RPL3: variants seen among roughly 807,000 people sequenced by gnomAD.
RPL3 encodes the protein ribosomal protein L3.
RPL3 carries 3 observed loss-of-function variants against 46.0 expected under a neutral mutation model. The ratio of observed to expected loss-of-function variants is 0.07; its 90% confidence interval spans 0.03 to 0.17. The LOEUF (loss-of-function observed/expected upper bound fraction) is 0.17. Ranked by LOEUF, RPL3 falls within the 10% of genes least tolerant of loss-of-function variation. The probability of loss-of-function intolerance (pLI) is 1.00; values close to 1 mark genes in which losing one functional copy is unlikely to be tolerated. For synonymous variants in RPL3, 224 were observed against 190.8 expected (o/e 1.17, Z -1.43); for missense variants, 387 against 532.7 (o/e 0.73, Z 2.69).
chr22:39,318,285 TG>T, intron 2 of RPL3, 114 bp downstream of exon 2: 1 of 1,038,476 alleles, frequency 9.6e-7, no homozygotes, highest in Non-Finnish European at 1.4e-6. Flanking sequence ...TCTGACAACG[TG>T]TAACTCCTGC....
intron 7 of RPL3, 183 bp from the exon 8 acceptor site, chr22:39,313,912 T>TG: frequency 1.2e-6 from 1 of 838,040 alleles, no homozygotes; most frequent in Non-Finnish European, 2.1e-6. Flanking sequence ...ACTGAACAGC[T>TG]GAGCCTGAGA....
rs1248307337 is a variant in RPL3, at chr22:39,315,511, C to T, written c.546G>A (p.Glu182=). The T allele has an allele frequency of 5.0e-6, 8 of 1,614,034 alleles. No homozygotes were observed. Among genetic ancestry groups the T allele is most frequent in the Non-Finnish European group, 6.8e-6 (8 of 1,180,048 alleles). The change falls in exon 5 of 10, where the codon GAG becomes GAA. Residue 182 remains glutamate (E), a synonymous_variant. Transcript: ENST00000216146. ...PLRQKKAHLM[E]IQVNGGTVAE... The stretch of plus-strand genomic sequence containing the variant: ...CCACAGTGCCTCCGTTCACCTGGAT[C>T]TCCATCAGGTGGGCCTTCTTCTGGC...
Position 39,312,937 on chromosome 22 carries a change from G to A in RPL3, c.*3C>T. On this transcript the variant is annotated 3_prime_UTR_variant, in exon 10 of 10. Transcript: ENST00000216146. ...CCACCAACTGCAAAATCTGTTCCTGGCATTAAGCTCCTTCTTCCTTTGCAA... is the reference window on the plus strand; with the variant it reads ...CCACCAACTGCAAAATCTGTTCCTGACATTAAGCTCCTTCTTCCTTTGCAA... The A allele has an allele frequency of 1.2e-6, 2 of 1,614,130 alleles. No individual in the cohort carries two copies. The highest frequency in any genetic ancestry group is 1.7e-6 in the Non-Finnish European group (2 of 1,179,962).
chr22:39,317,965 C>T lies in RPL3; in HGVS notation c.197-336G>A, dbSNP rs906165207. The T allele has an allele frequency of 4.1e-5, 15 of 362,840 alleles. No homozygotes were observed. The South Asian group carries it at 5.3e-4, about 13-fold the overall frequency. 22.5% of individuals were successfully genotyped at this position (362,840 alleles called of 1,614,324 possible). ...CTCAGAGATTAGTCAGTATCAACTGCCTAACATTAATGTCTCCATGGCTCA... is the reference window on the plus strand; with the variant it reads ...CTCAGAGATTAGTCAGTATCAACTGTCTAACATTAATGTCTCCATGGCTCA... On this transcript the variant is annotated intron_variant, in intron 2 of 9. Transcript: ENST00000216146.
intron 4 of RPL3, among the ~76,000 whole-genome samples, chr22:39,316,215 G>C (rs1220150369): frequency 6.8e-6 from 1 of 147,202 alleles, no homozygotes; most frequent in Non-Finnish European, 1.5e-5. Context: ...CTCTAGCCTG[G>C]GCAACAAGAA....
intron 3 of RPL3, 191 bp from the exon 4 acceptor site, chr22:39,317,032 G>A (rs1922744203): frequency 2.6e-6 from 2 of 780,762 alleles, no homozygotes; most frequent in Non-Finnish European, 4.2e-6. Context: ...CTGAGCAGAG[G>A]TCCACAAGGT....
chr22:39,314,740 A>C lies in RPL3; in HGVS notation c.795T>G (p.Ser265=), dbSNP rs1468133689. 3 of 1,613,598 alleles carry C rather than the reference A, an allele frequency of 1.9e-6. No individual in the cohort carries two copies. In the South Asian group the frequency reaches 3.3e-5, roughly 18 times the overall value. ...GAWHPARVAF[S]VARAGQKGYH... ...AGCCTTTCTGCCCAGCGCGTGCCAC[A>C]GAGAAGGCTACACGAGCAGGATGCC... The change falls in exon 6 of 10, where the codon TCT becomes TCG. Residue 265 remains serine (S), a synonymous_variant. Transcript: ENST00000216146.
chr22:39,313,356 C>T, intron 8 of RPL3, 46 bp from the exon 9 acceptor site: 1 of 1,611,642 alleles, frequency 6.2e-7, no homozygotes, highest in Non-Finnish European at 8.5e-7. Context: ...AGGAGCCAGG[C>T]TTTCCTCAGC....
chr22:39,313,795 G>C, intron 7 of RPL3, 66 bp from the exon 8 acceptor site: 1 of 1,413,896 alleles, frequency 7.1e-7, no homozygotes, highest in Non-Finnish European at 1.0e-6. Context: ...ACCCCTCCAG[G>C]TTCAGGCCCT....
intron 1 of RPL3, among the ~76,000 whole-genome samples, chr22:39,318,847 C>T (rs1922867558): frequency 6.6e-6 from 1 of 152,036 alleles, no homozygotes; most frequent in South Asian, 2.1e-4. Flanking sequence ...TTTTATCTAA[C>T]CACACAAAAA....
chr22:39,314,664 G>A (rs1601627726), intron 6 of RPL3, 22 bp downstream of exon 6: 2 of 1,600,966 alleles, frequency 1.2e-6, no homozygotes, highest in East Asian at 2.2e-5. Context: ...CCACCCCCAG[G>A]GAGCCACTCT....
rs561225571 is a variant in RPL3, at chr22:39,314,147, G to C, written c.911C>G (p.Ser304Cys). 1.2e-6 allele frequency: 2 copies of C among 1,613,378 alleles called. No individual in the cohort carries two copies. The highest frequency in any genetic ancestry group is 2.7e-5 in the African/African-American group (2 of 75,028). Residue 304 changes from serine (S) to cysteine (C), a missense_variant, in exon 7 of 10, where the codon TCC becomes TGC. Transcript: ENST00000216146. Reference protein sequence around the residue: ...KDGKLIKNNASTDYDLSDKSI... With the variant: ...KDGKLIKNNACTDYDLSDKSI... ...CTTGTCAGATAGGTCATAGTCAGTG[G>C]AGGCATTGTTCTTGATCAGCTTGCC...
chr22:39,313,165 C>A, intron 9 of RPL3, 26 bp downstream of exon 9: 4 of 1,604,848 alleles, frequency 2.5e-6, no homozygotes, highest in East Asian at 2.2e-5. Context: ...CCACACCCAG[C>A]GAGGGGGGCA....
chr22:39,315,118 C>A, intron 5 of RPL3: 1 of 770,430 alleles, frequency 1.3e-6, no homozygotes, highest in Non-Finnish European at 2.3e-6. Flanking sequence ...CTCCCCTTTG[C>A]AGTTATCAGT....
chr22:39,315,560 G>C lies in RPL3; in HGVS notation c.502-5C>G. Reference sequence around the variant, plus strand: ...GCGCAGAGGAAGCAGGCGCATCTAGGAGAAGGTAGACACAGCTCAGCTCCA... The same window carrying C: ...GCGCAGAGGAAGCAGGCGCATCTAGCAGAAGGTAGACACAGCTCAGCTCCA... On this transcript the variant is annotated splice_polypyrimidine_tract_variant and splice_region_variant and intron_variant, in intron 4 of 9. Coordinates refer to ENST00000216146, the MANE Select transcript of RPL3 (RefSeq NM_000967.4). The C allele has an allele frequency of 1.2e-6, 2 of 1,613,794 alleles. No homozygotes were observed. The highest frequency in any genetic ancestry group is 1.7e-4 in the Middle Eastern group (1 of 6,060).
chr22:39,318,460 A>G lies in RPL3; in HGVS notation c.136T>C (p.Phe46Leu), dbSNP rs755320413. ...GTCATGCCAGCCTTGTATCCCAGGA[A>G]GGCTGTGAGGTGGACCGGCTTGGAC... ...DPSKPVHLTA[F>L]LGYKAGMTHI... The change falls in exon 2 of 10, where the codon TTC becomes CTC. Residue 46 changes from phenylalanine to leucine, a missense_variant. By Grantham distance (22) the Phe-to-Leu change is conservative. This residue lies in a region of RPL3 where 196 missense variants were observed against 217.5 expected (regional missense o/e 0.90). Transcript: ENST00000216146. 5.0e-6 allele frequency: 8 copies of G among 1,613,886 alleles called. No homozygotes were observed. The highest frequency in any genetic ancestry group is 6.8e-6 in the Non-Finnish European group (8 of 1,179,972).
chr22:39,314,514 G>A (rs1922557527), intron 6 of RPL3, 172 bp downstream of exon 6: 1 of 813,710 alleles, frequency 1.2e-6, no homozygotes, highest in Non-Finnish European at 1.9e-6. Context: ...TCTACAGGAT[G>A]GCACCTTACA....
chr22:39,316,389 T>C (rs2007418), intron 4 of RPL3, among the ~76,000 whole-genome samples: 30,478 of 152,156 alleles, frequency 0.2, 4,372 homozygotes, highest in East Asian at 0.74. Flanking sequence ...TCAGCCAGGA[T>C]AACCAGTAAC....
rs1346365343 is a variant in RPL3 at position 39,318,462 on chromosome 22, G to A, written c.134C>T (p.Ala45Val). ...DDPSKPVHLT[A>V]FLGYKAGMTH... ...CATGCCAGCCTTGTATCCCAGGAAG[G>A]CTGTGAGGTGGACCGGCTTGGACGG... is the stretch of plus-strand genomic sequence containing the variant. Residue 45 changes from alanine (A) to valine (V), a missense_variant, in exon 2 of 10, where the codon GCC becomes GTC. Ala to Val is a moderately conservative substitution (Grantham distance 64). Around this residue, in one of 5 missense-constraint regions of RPL3, gnomAD observed 196 missense variants for 217.5 expected, o/e 0.90. Coordinates refer to ENST00000216146, the MANE Select transcript of RPL3 (RefSeq NM_000967.4). The A allele has an allele frequency of 2.5e-6, 4 of 1,614,040 alleles. No individual in the cohort carries two copies. The highest frequency in any genetic ancestry group is 2.2e-5 in the East Asian group (1 of 44,886).
Sources: allele counts gnomAD v4.1 joint callset (sites outside exome capture counted in the v4.1 genomes callset), GRCh38; gene constraint gnomAD v4.1.1; regional missense constraint gnomAD v4.1.1; transcripts MANE v1.5; gene names NCBI Gene and HGNC (gene_info 2026-07-23, HGNC 2026-07-21).